PHACTR1: variants seen among roughly 807,000 people sequenced by gnomAD.
The protein encoded by PHACTR1 is RPEL repeat containing 1.
In PHACTR1, 16 loss-of-function variants were observed where a neutral mutation model predicts 69.2. The observed-to-expected ratio is 0.23, with a 90% CI of 0.16 to 0.35. The LOEUF is 0.35. Ranked by LOEUF, PHACTR1 falls within the 10% of genes least tolerant of loss-of-function variation. The pLI, the probability that PHACTR1 is intolerant of heterozygous loss-of-function variation, is 1.00. For missense variants in PHACTR1, 510 were observed against 734.7 expected (o/e 0.69, Z 3.54); for synonymous variants, 312 against 284.5 (o/e 1.10, Z -0.97).
At chr6:12,928,504 C>T (rs1436197985) in intron 4 of PHACTR1, among the ~76,000 whole-genome samples, 2 of 152,180 alleles carry the variant, frequency 1.3e-5, no homozygotes, top group East Asian at 3.8e-4. Flanking sequence ...TTCCTCAAAG[C>T]CTGCTCCAGC....
chr6:13,273,053 T>G (rs1778103671), intron 11 of PHACTR1, 138 bp downstream of exon 11: 2 of 1,281,752 alleles, frequency 1.6e-6, no homozygotes. Flanking sequence ...GCTTCATGTG[T>G]GCATGTTAGA....
At chr6:13,161,498 G>T (rs575858136) in intron 6 of PHACTR1, among the ~76,000 whole-genome samples, 5 of 151,838 alleles carry the variant, frequency 3.3e-5, no homozygotes, top group Admixed American at 2.6e-4. Flanking sequence ...TTTCATGCAG[G>T]TGTTATCTGG....
At chr6:13,153,468 TTG>T (rs757962669) in intron 5 of PHACTR1, among the ~76,000 whole-genome samples, 27 of 152,192 alleles carry the variant, frequency 1.8e-4, no homozygotes, top group Non-Finnish European at 1.2e-4. Context: ...TCAGCTAACA[TTG>T]TTGGTCTATA....
intron 4 of PHACTR1, among the ~76,000 whole-genome samples, chr6:12,922,278 C>T (rs1296276271): frequency 6.6e-6 from 1 of 152,172 alleles, no homozygotes; most frequent in African/African-American, 2.4e-5. Flanking sequence ...TCTAAGACTT[C>T]ATAATTGTGA....
At chr6:13,102,884 A>AC (rs1392885159) in intron 5 of PHACTR1, among the ~76,000 whole-genome samples, 1 of 152,106 alleles carries the variant, frequency 6.6e-6, no homozygotes. Context: ...TGACAGACAG[A>AC]CCCCCATTGC....
At chr6:13,208,386 G>A (rs1427237809) in intron 8 of PHACTR1, among the ~76,000 whole-genome samples, 1 of 152,148 alleles carries the variant, frequency 6.6e-6, no homozygotes, top group South Asian at 2.1e-4. Flanking sequence ...CATTAAAAAG[G>A]GCTTCATTAT....
At chr6:12,910,498 G>A (rs892489441) in intron 4 of PHACTR1, among the ~76,000 whole-genome samples, 17 of 152,094 alleles carry the variant, frequency 1.1e-4, no homozygotes, top group African/African-American at 3.9e-4. Context: ...TTTTCTCTAG[G>A]AAAATGTATT....
chr6:13,009,537 G>T (rs1448223363), intron 4 of PHACTR1, among the ~76,000 whole-genome samples: 1 of 152,020 alleles, frequency 6.6e-6, no homozygotes, highest in Non-Finnish European at 1.5e-5. Flanking sequence ...GCACTTTTGT[G>T]AGCATTTTTA....
At chr6:13,217,048 G>A (rs1334737921) in intron 8 of PHACTR1, among the ~76,000 whole-genome samples, 3 of 151,976 alleles carry the variant, frequency 2.0e-5, no homozygotes, top group Non-Finnish European at 4.4e-5. Flanking sequence ...GGAAACCATC[G>A]TCCAGAAAGT....
intron 4 of PHACTR1, among the ~76,000 whole-genome samples, chr6:12,958,990 A>G (rs1399339213): frequency 6.6e-6 from 1 of 152,128 alleles, no homozygotes; most frequent in Non-Finnish European, 1.5e-5. Context: ...CAGCCTGGCC[A>G]ACATGGTGAA....
At chr6:12,985,538 AAAAATATATATAT>A (rs1218152820) in intron 4 of PHACTR1, among the ~76,000 whole-genome samples, 4 of 134,872 alleles carry the variant, frequency 3.0e-5, no homozygotes, top group African/African-American at 1.2e-4. Flanking sequence ...TAAAAAAAAA[AAAAATATATATAT>A]ATATATATAT....
chr6:13,055,550 C>A (rs567225590), intron 5 of PHACTR1, among the ~76,000 whole-genome samples: 2 of 152,198 alleles, frequency 1.3e-5, no homozygotes, highest in East Asian at 3.9e-4. Context: ...ACAAAGATGC[C>A]ATGAGGTCTC....
At chr6:13,178,182 T>C (rs1336102486) in intron 6 of PHACTR1, among the ~76,000 whole-genome samples, 1 of 152,232 alleles carries the variant, frequency 6.6e-6, no homozygotes, top group Non-Finnish European at 1.5e-5. Context: ...TTGTTAGACG[T>C]GTCTGCCTCT....
intron 4 of PHACTR1, among the ~76,000 whole-genome samples, chr6:13,002,750 A>G (rs1798243886): frequency 6.6e-6 from 1 of 152,218 alleles, no homozygotes; most frequent in Admixed American, 6.5e-5. Context: ...ACCATTTAAG[A>G]AAAATTAGCT....
At chr6:12,919,520 C>A (rs1787407999) in intron 4 of PHACTR1, among the ~76,000 whole-genome samples, 1 of 152,164 alleles carries the variant, frequency 6.6e-6, no homozygotes, top group South Asian at 2.1e-4. Flanking sequence ...AGGATCCCTG[C>A]AATCTAGAAG....
chr6:13,201,512 T>A (rs10807412), intron 7 of PHACTR1, among the ~76,000 whole-genome samples: 2 of 151,964 alleles, frequency 1.3e-5, no homozygotes, highest in Non-Finnish European at 2.9e-5. Context: ...ATCATGGACC[T>A]CACGCATGCC....
At chr6:13,167,006 G>C (rs1759905309) in intron 6 of PHACTR1, among the ~76,000 whole-genome samples, 1 of 152,164 alleles carries the variant, frequency 6.6e-6, no homozygotes, top group Non-Finnish European at 1.5e-5. Context: ...CACTTGGCGA[G>C]GATCTCACGA....
At chr6:13,036,144 A>G (rs554659556) in intron 4 of PHACTR1, among the ~76,000 whole-genome samples, 1 of 152,222 alleles carries the variant, frequency 6.6e-6, no homozygotes, top group African/African-American at 2.4e-5. Context: ...TCCAAAAAAA[A>G]AAAGACTGAA....
intron 4 of PHACTR1, among the ~76,000 whole-genome samples, chr6:12,930,101 T>G (rs1324496638): frequency 4.6e-5 from 7 of 151,916 alleles, no homozygotes; most frequent in Admixed American, 6.6e-5. Flanking sequence ...GGAGTGAACC[T>G]GGTGCAATCA....
Sources: gnomAD v4.1 joint callset for allele counts (sites outside exome capture counted in the v4.1 genomes callset) on GRCh38, gnomAD v4.1.1 for gene constraint, MANE v1.5 for transcripts, NCBI Gene and HGNC (gene_info 2026-07-23, HGNC 2026-07-21) for gene names.